Variants in CACNA1E observed in about 807,000 individuals in gnomAD.
The protein encoded by CACNA1E is voltage-dependent R-type calcium channel subunit alpha-1E.
In CACNA1E, 40 loss-of-function variants were observed where a neutral mutation model predicts 259.2. The ratio of observed to expected loss-of-function variants is 0.15; its 90% CI spans 0.12 to 0.20. The LOEUF (loss-of-function observed/expected upper bound fraction) is 0.20, where lower values mean the gene tolerates loss of function less well. Among genes scored for constraint, CACNA1E ranks in the 10% least tolerant of loss-of-function variants. CACNA1E has a pLI of 1.00. For missense variants in CACNA1E, 1,874 were observed against 3,040.1 expected (o/e 0.62, Z 9.02); for synonymous variants, 1,104 against 1,138.5 (o/e 0.97, Z 0.61).
intron 35 of CACNA1E, among the ~76,000 whole-genome samples, chr1:181,766,913 T>G (rs1299827307): frequency 6.6e-6 from 1 of 152,182 alleles, no homozygotes; most frequent in Non-Finnish European, 1.5e-5. Flanking sequence ...AAAGCAAAGA[T>G]GACACCATTG....
intron 39 of CACNA1E, among the ~76,000 whole-genome samples, chr1:181,783,006 G>A (rs3767021): frequency 6.6e-6 from 1 of 151,942 alleles, no homozygotes; most frequent in East Asian, 1.9e-4. Flanking sequence ...CTCCTGCCTG[G>A]GCCACCCTTC....
Position 181,429,121 on chromosome 1 carries a change from A to G in CACNA1E, c.434+15541A>G, listed in dbSNP as rs1485312365. Among the ~76,000 whole-genome samples the G allele has an allele frequency of 2.0e-5, 3 of 152,150 alleles. No homozygotes were observed. The East Asian group carries it at 5.8e-4, about 29-fold the overall frequency. ...CGCTTGAACCTGGGAAGCAGAGGTT[A>G]CAGTCAACCGAGATCACAACACTGC... On this transcript the variant is annotated intron_variant, in intron 2 of 11. Transcript: ENST00000524607.
chr1:181,635,200 C>T (rs1657100285), intron 6 of CACNA1E, among the ~76,000 whole-genome samples: 1 of 152,210 alleles, frequency 6.6e-6, no homozygotes, highest in Non-Finnish European at 1.5e-5. Context: ...GTTTTTCCAA[C>T]TCCTGAAACT....
At chr1:181,722,905 C>T (rs1328277137) in intron 16 of CACNA1E, among the ~76,000 whole-genome samples, 1 of 152,152 alleles carries the variant, frequency 6.6e-6, no homozygotes. Context: ...GGCAGTAAGT[C>T]ACAGACATGG....
At chr1:181,693,970 C>T (rs970118091) in intron 7 of CACNA1E, among the ~76,000 whole-genome samples, 2 of 152,280 alleles carry the variant, frequency 1.3e-5, no homozygotes, top group African/African-American at 4.8e-5. Context: ...GCTGATCCTT[C>T]ACAAACCCCT....
intron 2 of CACNA1E, among the ~76,000 whole-genome samples, chr1:181,421,037 A>G (rs747507107): frequency 2.0e-5 from 3 of 152,162 alleles, no homozygotes; most frequent in African/African-American, 7.2e-5. Flanking sequence ...ATGATTTTTC[A>G]TATTGGGAAA....
At chr1:181,537,754 C>T (rs1320102724) in intron 3 of CACNA1E, among the ~76,000 whole-genome samples, 1 of 152,138 alleles carries the variant, frequency 6.6e-6, no homozygotes, top group African/African-American at 2.4e-5. Context: ...AGTACTTTAC[C>T]TGTGCAAACA....
intron 18 of CACNA1E, among the ~76,000 whole-genome samples, chr1:181,730,479 G>A (rs1655361502): frequency 6.6e-6 from 1 of 152,240 alleles, no homozygotes; most frequent in Admixed American, 6.5e-5. Context: ...ATGGAAGAGA[G>A]TTTTCTCTGT....
intron 7 of CACNA1E, among the ~76,000 whole-genome samples, chr1:181,673,204 G>A (rs1237914261): frequency 8.2e-6 from 1 of 122,520 alleles, no homozygotes; most frequent in Non-Finnish European, 1.8e-5. Context: ...GTATGTTTAT[G>A]TATGTATGTA....
intron 1 of CACNA1E, among the ~76,000 whole-genome samples, chr1:181,332,523 C>CTTTTGT (rs756574590): frequency 1.0e-3 from 156 of 152,306 alleles, no homozygotes; most frequent in Non-Finnish European, 1.9e-3. Flanking sequence ...TAAGTTTGCT[C>CTTTTGT]TTTTGTTCGG....
At chr1:181,544,922 C>A (rs890893059) in intron 3 of CACNA1E, among the ~76,000 whole-genome samples, 2 of 152,130 alleles carry the variant, frequency 1.3e-5, no homozygotes, top group Admixed American at 6.6e-5. Flanking sequence ...ATGTTTGGAG[C>A]CTTAAGCTAG....
chr1:181,501,759 GTGTC>G (rs145756197), intron 1 of CACNA1E, among the ~76,000 whole-genome samples: 2,164 of 152,210 alleles, frequency 0.014, 70 homozygotes, highest in East Asian at 0.13. Flanking sequence ...AGAGAGGTGT[GTGTC>G]TGTTCAGGAC....
rs1293241806 is a variant in CACNA1E at position 181,763,612 on chromosome 1, TC to T, written c.4815+84del. ...GGCAACACTGGCATCATTACCCAAG[TC>T]CCTTCACCTCTGGGAAGCTGAAGCT... is the stretch of plus-strand genomic sequence containing the variant. On this transcript the variant is annotated intron_variant, in intron 34 of 47. Coordinates refer to ENST00000367573, the MANE Select transcript of CACNA1E (RefSeq NM_001205293.3). 3 of 1,116,564 alleles carry T rather than the reference TC, an allele frequency of 2.7e-6. No homozygotes were observed. The Admixed American group carries it at 8.7e-5, about 32-fold the overall frequency. 69.2% of individuals were successfully genotyped at this position (1,116,564 alleles called of 1,614,324 possible).
At position 181,804,915 on chromosome 1, in the gene CACNA1E, C is replaced by G. The variant is rs567062900; in HGVS notation, c.*6081C>G. On this transcript the variant is annotated 3_prime_UTR_variant, in exon 48 of 48. Coordinates refer to ENST00000367573, the MANE Select transcript of CACNA1E (RefSeq NM_001205293.3). ...CATTTTCCCTTATTCTTCTTGTTGT[C>G]TCTCTAATTAAAAAAAAAAAAAACC... 6.9e-6 allele frequency: 1 copy of G among 145,324 alleles called. No individual in the cohort carries two copies. Among genetic ancestry groups the G allele is most frequent in the East Asian group, 2.0e-4 (1 of 4,988 alleles). 9.0% of individuals were successfully genotyped at this position (145,324 alleles called of 1,614,324 possible).
intron 1 of CACNA1E, among the ~76,000 whole-genome samples, chr1:181,327,878 C>T (rs992856348): frequency 2.6e-5 from 4 of 152,174 alleles, no homozygotes; most frequent in African/African-American, 9.7e-5. Flanking sequence ...GCTGGTGGTT[C>T]CTTTGTCCTA....
chr1:181,424,774 G>T (rs1031502444), intron 2 of CACNA1E, among the ~76,000 whole-genome samples: 1 of 152,126 alleles, frequency 6.6e-6, no homozygotes, highest in Non-Finnish European at 1.5e-5. Context: ...GCAGGCCTTG[G>T]GGGAGGACTC....
At chr1:181,680,105 CAAAAAAAAAAAAAAA>C (rs56198008) in intron 7 of CACNA1E, among the ~76,000 whole-genome samples, 3 of 78,504 alleles carry the variant, frequency 3.8e-5, no homozygotes, top group Non-Finnish European at 4.8e-5. Context: ...GACCTTGTCT[CAAAAAAAAAAAAAAA>C]AAAAAAAAAA....
intron 2 of CACNA1E, among the ~76,000 whole-genome samples, chr1:181,420,964 G>A (rs1299447429): frequency 6.6e-6 from 1 of 152,066 alleles, no homozygotes; most frequent in Non-Finnish European, 1.5e-5. Context: ...TACTGTGTTG[G>A]GCACATAATA....
chr1:181,317,749 A>G (rs919994027), exon 1 of CACNA1E: 2 of 151,356 alleles, frequency 1.3e-5, no homozygotes, highest in Non-Finnish European at 2.9e-5. Context: ...TGCTGTCTGG[A>G]TATAGCTCTC....
Sources: allele counts gnomAD v4.1 joint callset (sites outside exome capture counted in the v4.1 genomes callset), GRCh38; gene constraint gnomAD v4.1.1; transcripts MANE v1.5; gene names NCBI Gene and HGNC (gene_info 2026-07-23, HGNC 2026-07-21).